ZNF451: variants seen among roughly 807,000 people sequenced by gnomAD.
ZNF451 encodes E3 SUMO-protein ligase ZNF451.
Under a neutral mutation model 107.1 loss-of-function variants are expected in ZNF451, and 80 were observed. The observed-to-expected ratio is 0.75, with a 90% CI of 0.62 to 0.90. ZNF451 has a LOEUF of 0.90. Ranked by LOEUF, ZNF451 falls within the 40% of genes least tolerant of loss-of-function variation. ZNF451 has a pLI of 0.00. For synonymous variants in ZNF451, 362 were observed against 406.5 expected, an observed-to-expected ratio of 0.89 and a Z score of 1.32; for missense variants, 1,107 against 1,236.2, an observed-to-expected ratio of 0.90 and a Z score of 1.57.
intron 3 of ZNF451, chr6:57,107,377 T>G (rs1449037241): frequency 1.0e-6 from 1 of 983,664 alleles, no homozygotes; most frequent in Non-Finnish European, 1.2e-6. Context: ...AGAAGAGATA[T>G]TCTAGTTTCT....
chr6:57,105,811 A>G, intron 3 of ZNF451: 1 of 985,430 alleles, frequency 1.0e-6, no homozygotes, highest in Non-Finnish European at 1.2e-6. Context: ...ATTTTTAAAA[A>G]GCAGTAAATT....
chr6:57,138,729 A>G (rs1399719578), intron 7 of ZNF451, among the ~76,000 whole-genome samples: 2,002 of 113,358 alleles, frequency 0.018, 25 homozygotes, highest in Non-Finnish European at 0.027. Context: ...ATATATATAT[A>G]TATATATATA....
intron 5 of ZNF451, among the ~76,000 whole-genome samples, chr6:57,131,348 G>T (rs551737171): frequency 1.3e-5 from 2 of 152,120 alleles, no homozygotes; most frequent in East Asian, 3.9e-4. Flanking sequence ...TTTCCATGGG[G>T]AAGCCTCCCC....
At chr6:57,104,082 TTTATC>T (rs548114188) in intron 3 of ZNF451, 697 of 984,426 alleles carry the variant, frequency 7.1e-4, no homozygotes, top group Non-Finnish European at 8.2e-4. Context: ...AGAGTTAATA[TTTATC>T]TTATTTTTCT....
At chr6:57,166,657 A>G (rs1267148761) in intron 14 of ZNF451, among the ~76,000 whole-genome samples, 1 of 152,246 alleles carries the variant, frequency 6.6e-6, no homozygotes, top group African/African-American at 2.4e-5. Context: ...AATAAAAAGT[A>G]TAGTAAATAC....
At chr6:57,110,829 C>G (rs1830070043) in intron 3 of ZNF451, among the ~76,000 whole-genome samples, 1 of 151,922 alleles carries the variant, frequency 6.6e-6, no homozygotes, top group South Asian at 2.1e-4. Context: ...ATATCTCCAG[C>G]AGCTCCAACA....
rs1763657503 is a variant in ZNF451 at position 57,161,168 on chromosome 6, T to C, written c.3139+16T>C. On this transcript the variant is annotated intron_variant, in intron 14 of 14. Transcript: ENST00000370706. Reference sequence around the variant, plus strand: ...TCCACAGAAGGTAACCTAATAGAGTTAATCTCTTTTCTACTTGACTGTATC... The same window carrying C: ...TCCACAGAAGGTAACCTAATAGAGTCAATCTCTTTTCTACTTGACTGTATC... The C allele has an allele frequency of 2.1e-6, 3 of 1,411,148 alleles. No homozygotes were observed. In the East Asian group the frequency reaches 7.5e-5, roughly 35 times the overall value. The allele number at this position is 1,411,148 out of a possible 1,614,324, so 87.4% of individuals were successfully genotyped here.
chr6:57,135,126 C>T (rs1191230183), intron 7 of ZNF451, among the ~76,000 whole-genome samples: 1 of 152,112 alleles, frequency 6.6e-6, no homozygotes, highest in Non-Finnish European at 1.5e-5. Context: ...AATTAAATTA[C>T]CTTGTTCAAG....
chr6:57,097,022 T>G (rs1479717871), intron 2 of ZNF451, among the ~76,000 whole-genome samples: 1 of 151,654 alleles, frequency 6.6e-6, no homozygotes, highest in Non-Finnish European at 1.5e-5. Context: ...TACCCACCTC[T>G]GCCTCCCAAG....
chr6:57,122,730 T>C (rs1266493816), intron 3 of ZNF451, among the ~76,000 whole-genome samples: 1 of 152,182 alleles, frequency 6.6e-6, no homozygotes, highest in Non-Finnish European at 1.5e-5. Flanking sequence ...GTAACAGATA[T>C]TGGCAAGGTT....
chr6:57,117,004 G>A (rs1420963391), intron 3 of ZNF451: 1 of 151,996 alleles, frequency 6.6e-6, no homozygotes, highest in Non-Finnish European at 1.5e-5. Flanking sequence ...TCAATTCTAA[G>A]ATGCCTTTTG....
chr6:57,163,435 A>C (rs1328121078), intron 14 of ZNF451, among the ~76,000 whole-genome samples: 2 of 50,874 alleles, frequency 3.9e-5, no homozygotes, highest in Non-Finnish European at 9.2e-5. Flanking sequence ...AAATGAATAA[A>C]CTTTTTTTTT....
intron 10 of ZNF451, among the ~76,000 whole-genome samples, chr6:57,150,195 A>G (rs1832279184): frequency 6.6e-6 from 1 of 152,088 alleles, no homozygotes; most frequent in South Asian, 2.1e-4. Flanking sequence ...TATTTCTAGC[A>G]CTGCTTTATG....
intron 2 of ZNF451, among the ~76,000 whole-genome samples, chr6:57,093,392 C>CA (rs1829141407): frequency 6.6e-6 from 1 of 152,118 alleles, no homozygotes; most frequent in South Asian, 2.1e-4. Context: ...AGAAGGGAGT[C>CA]AGGCAGAAAA....
At chr6:57,156,747 C>T (rs890804787) in intron 13 of ZNF451, among the ~76,000 whole-genome samples, 1 of 152,170 alleles carries the variant, frequency 6.6e-6, no homozygotes, top group Non-Finnish European at 1.5e-5. Context: ...TACTATAAGT[C>T]AACAGTCCCC....
Position 57,102,098 on chromosome 6 carries a change from A to G in ZNF451, c.186+2957A>G. ...GAACGCCATGGGTACAAGAATTAAT[A>G]ACCTGTTTAATGTTCAGCAGAGTAG... On this transcript the variant is annotated intron_variant, in intron 3 of 14. Transcript: ENST00000370706. The G allele has an allele frequency of 2.0e-6, 3 of 1,495,760 alleles. No homozygotes were observed. The South Asian group carries it at 4.1e-5, about 20-fold the overall frequency. The allele number at this position is 1,495,760 out of a possible 1,614,324, so 92.7% of individuals were successfully genotyped here. A position where few individuals can be genotyped will look rare whatever the true frequency, so the allele number is the denominator to read the frequency against.
intron 3 of ZNF451, chr6:57,102,853 A>G (rs1485765493): frequency 8.1e-6 from 8 of 985,296 alleles, no homozygotes; most frequent in East Asian, 1.1e-4. Flanking sequence ...GATGGCCACC[A>G]TACCATCACT....
At chr6:57,093,148 T>G (rs1829130042) in intron 2 of ZNF451, 1 of 152,218 alleles carries the variant, frequency 6.6e-6, no homozygotes, top group Non-Finnish European at 1.5e-5. Context: ...TGTGATTTAC[T>G]TCTAAAAAAC....
chr6:57,145,422 A>G (rs1832015276), intron 9 of ZNF451, among the ~76,000 whole-genome samples: 3 of 152,168 alleles, frequency 2.0e-5, no homozygotes, highest in Admixed American at 6.5e-5. Context: ...ATTGTACCCA[A>G]TAGGTTATTT....
Sources: gnomAD v4.1 joint callset for allele counts (sites outside exome capture counted in the v4.1 genomes callset) on GRCh38, gnomAD v4.1.1 for gene constraint, MANE v1.5 for transcripts, NCBI Gene and HGNC (gene_info 2026-07-23, HGNC 2026-07-21) for gene names.